The following GALNT1 variants were observed in gnomAD, a reference collection of about 807,000 sequenced individuals.
The protein encoded by GALNT1 is GalNAc transferase 1.
A neutral mutation model predicts 65.7 loss-of-function variants in GALNT1; 17 were observed. The ratio of observed to expected loss-of-function variants is 0.26; its 90% CI spans 0.18 to 0.39. GALNT1 has a LOEUF of 0.39. Ranked by LOEUF, GALNT1 falls within the 10% of genes least tolerant of loss-of-function variation. The pLI is 1.00. For missense variants in GALNT1, 460 were observed against 672.8 expected (o/e 0.68, Z 3.50); for synonymous variants, 210 against 219.7 (o/e 0.96, Z 0.39).
intron 4 of GALNT1, among the ~76,000 whole-genome samples, chr18:35,683,111 CAG>C (rs35345047): frequency 0.11 from 16,486 of 152,000 alleles, 952 homozygotes; most frequent in Admixed American, 0.18. Flanking sequence ...TTGAGTCTAA[CAG>C]AGTTACTTAG....
chr18:35,587,530 A>G (rs903346433), intron 1 of GALNT1, among the ~76,000 whole-genome samples: 5 of 152,176 alleles, frequency 3.3e-5, no homozygotes, highest in South Asian at 2.1e-4. Context: ...CTCTGTTCCT[A>G]TCTTCCTGAG....
At chr18:35,698,758 C>G (rs2048104941) in intron 9 of GALNT1, among the ~76,000 whole-genome samples, 1 of 151,980 alleles carries the variant, frequency 6.6e-6, no homozygotes, top group Non-Finnish European at 1.5e-5. Context: ...GTGGGTGGAT[C>G]ATGACGTCAG....
At chr18:35,690,977 G>A (rs2047952006) in intron 7 of GALNT1, 35 bp from the exon 8 acceptor site, 1 of 1,517,384 alleles carries the variant, frequency 6.6e-7, no homozygotes, top group Non-Finnish European at 8.8e-7. Flanking sequence ...TGATTACTCA[G>A]CTACATGTTA....
intron 1 of GALNT1, among the ~76,000 whole-genome samples, chr18:35,619,452 T>C (rs1411249285): frequency 6.6e-6 from 1 of 152,188 alleles, no homozygotes; most frequent in Non-Finnish European, 1.5e-5. Context: ...CCTTTGAGAT[T>C]TTTTTTCTTC....
chr18:35,708,879 A>G (rs1482514003), intron 11 of GALNT1, among the ~76,000 whole-genome samples: 2 of 152,200 alleles, frequency 1.3e-5, no homozygotes, highest in African/African-American at 4.8e-5. Context: ...TTCATTATCT[A>G]TGTAGTTTCC....
intron 1 of GALNT1, among the ~76,000 whole-genome samples, chr18:35,653,903 A>G (rs2047342645): frequency 6.6e-6 from 1 of 152,206 alleles, no homozygotes; most frequent in Non-Finnish European, 1.5e-5. Flanking sequence ...TTTCCATTAT[A>G]CTTTCCACGA....
chr18:35,690,293 T>C lies in GALNT1; in HGVS notation c.979-719T>C, dbSNP rs181596388. Among the ~76,000 whole-genome samples the C allele has an allele frequency of 6.0e-3, 911 of 152,218 alleles. 4 individuals are homozygous for C. Among genetic ancestry groups the C allele is most frequent in the Non-Finnish European group, 0.01 (696 of 67,992 alleles). On this transcript the variant is annotated intron_variant, in intron 7 of 11. Transcript: ENST00000269195. ...ACTGAAGAACTTACAATGGATCTAG[T>C]TGAGATTCCTAGGTTCTGTTTCATG...
At chr18:35,646,407 C>T (rs2047231613) in intron 1 of GALNT1, among the ~76,000 whole-genome samples, 1 of 152,170 alleles carries the variant, frequency 6.6e-6, no homozygotes, top group Non-Finnish European at 1.5e-5. Context: ...TGAGGTTGTA[C>T]TCAAGATGTC....
At chr18:35,640,372 TAAC>T (rs2047145874) in intron 1 of GALNT1, among the ~76,000 whole-genome samples, 1 of 92,232 alleles carries the variant, frequency 1.1e-5, no homozygotes, top group South Asian at 2.7e-4. Flanking sequence ...AAAATTAAAG[TAAC>T]AAGTATTTTC....
At chr18:35,669,257 T>G (rs1190255238) in intron 3 of GALNT1, among the ~76,000 whole-genome samples, 2 of 151,904 alleles carry the variant, frequency 1.3e-5, no homozygotes, top group African/African-American at 2.4e-5. Flanking sequence ...AAAAAAATCT[T>G]TACACACAGA....
At chr18:35,589,060 C>T (rs2046412700) in intron 1 of GALNT1, among the ~76,000 whole-genome samples, 1 of 152,156 alleles carries the variant, frequency 6.6e-6, no homozygotes, top group South Asian at 2.1e-4. Flanking sequence ...TGATACCACC[C>T]TGGCGGGGGA....
At chr18:35,658,811 G>A (rs1433770593) in intron 2 of GALNT1, among the ~76,000 whole-genome samples, 1 of 151,614 alleles carries the variant, frequency 6.6e-6, no homozygotes, top group African/African-American at 2.4e-5. Flanking sequence ...CTGGGTTCAA[G>A]CGATTCTCCT....
intron 1 of GALNT1, among the ~76,000 whole-genome samples, chr18:35,584,987 G>A (rs562545814): frequency 1.3e-5 from 2 of 152,288 alleles, no homozygotes; most frequent in East Asian, 3.9e-4. Context: ...AGATAACTGG[G>A]GGTGGATAGC....
chr18:35,672,780 A>ATATAGGAT (rs2047654540), intron 3 of GALNT1, among the ~76,000 whole-genome samples: 1 of 151,672 alleles, frequency 6.6e-6, no homozygotes, highest in African/African-American at 2.4e-5. Context: ...AATCCATCCT[A>ATATAGGAT]TATAGTTAGT....
chr18:35,656,850 T>C (rs946655157), intron 2 of GALNT1, among the ~76,000 whole-genome samples: 2 of 152,054 alleles, frequency 1.3e-5, no homozygotes, highest in East Asian at 3.9e-4. Context: ...GGAAAAGAGC[T>C]TGGAACAGAC....
chr18:35,695,274 G>C (rs1007493160), intron 9 of GALNT1, among the ~76,000 whole-genome samples: 13 of 152,068 alleles, frequency 8.5e-5, no homozygotes. Flanking sequence ...GTGTTGGGTG[G>C]GGGTGGGAAG....
intron 9 of GALNT1, among the ~76,000 whole-genome samples, chr18:35,700,312 AG>A (rs2048139413): frequency 6.6e-6 from 1 of 152,220 alleles, no homozygotes; most frequent in African/African-American, 2.4e-5. Context: ...AAATTCACTT[AG>A]GGACTCTAAC....
At chr18:35,606,265 C>T (rs988226525) in intron 1 of GALNT1, among the ~76,000 whole-genome samples, 12 of 152,130 alleles carry the variant, frequency 7.9e-5, no homozygotes, top group Non-Finnish European at 1.5e-4. Context: ...AAACAAGTCA[C>T]GTGACTAACC....
chr18:35,587,583 G>A (rs2046392111), intron 1 of GALNT1, among the ~76,000 whole-genome samples: 1 of 151,970 alleles, frequency 6.6e-6, no homozygotes, highest in African/African-American at 2.4e-5. Flanking sequence ...TGTGTTTTTT[G>A]TTCATCAGTT....
Sources: gnomAD v4.1 joint callset for allele counts (sites outside exome capture counted in the v4.1 genomes callset) on GRCh38, gnomAD v4.1.1 for gene constraint, MANE v1.5 for transcripts, NCBI Gene and HGNC (gene_info 2026-07-23, HGNC 2026-07-21) for gene names.